Variants in PSMG2 observed in about 807,000 individuals in gnomAD.
PSMG2 encodes CD40 ligand-activated specific transcript 3.
Under a neutral mutation model 31.5 loss-of-function variants are expected in PSMG2, and 21 were observed. The observed-to-expected ratio is 0.67, with a 90% CI of 0.47 to 0.96. The LOEUF is 0.96. Ranked by LOEUF, PSMG2 falls within the 40% of genes least tolerant of loss-of-function variation. PSMG2 has a pLI of 0.00. For synonymous variants in PSMG2, 120 were observed against 110.4 expected (o/e 1.09, Z -0.54); for missense variants, 318 against 321.2 (o/e 0.99, Z 0.08).
intron 1 of PSMG2, among the ~76,000 whole-genome samples, chr18:12,669,276 C>T (rs2038880326): frequency 2.0e-5 from 3 of 151,850 alleles, no homozygotes; most frequent in Admixed American, 6.6e-5. Context: ...CCATGCCCAG[C>T]TAATTTTGTA....
chr18:12,723,288 G>T (rs1226630915), intron 5 of PSMG2, among the ~76,000 whole-genome samples: 1 of 151,834 alleles, frequency 6.6e-6, no homozygotes, highest in South Asian at 2.1e-4. Context: ...GCATTTATTG[G>T]CAAGCAGGAA....
chr18:12,704,860 A>G lies in PSMG2; in HGVS notation c.58-1690A>G, dbSNP rs182158869. ...GGGAATTGCAGGAGGTAACTAGGCA[A>G]TTGGTAGGTGACAACAGTGAAAAGT... On this transcript the variant is annotated intron_variant, in intron 1 of 6. Transcript: ENST00000317615. 7.4e-3 allele frequency among the ~76,000 whole-genome samples: 1,125 copies of G among 152,316 alleles called. 13 individuals carry two copies. Among genetic ancestry groups the G allele is most frequent in the South Asian group, 0.03 (143 of 4,826 alleles).
chr18:12,678,373 A>G, intron 1 of PSMG2: 1 of 1,614,154 alleles, frequency 6.2e-7, no homozygotes, highest in Non-Finnish European at 8.5e-7. Context: ...CAATTGTTCG[A>G]TATGGGTACA....
In PSMG2 at chr18:12,691,585, C is replaced by A. The variant is rs2039764736; in HGVS notation, c.-36-14965C>A. On this transcript the variant is annotated intron_variant, in intron 1 of 6. Coordinates refer to the PSMG2 transcript ENST00000585331. ...ATCTACTTCTCTACATCATTACCAC[C>A]CTAATCTGAGTCATCATCATCTTCT... The A allele has an allele frequency of 4.3e-5, 36 of 829,362 alleles. 1 individual carries two copies. The South Asian group carries it at 7.0e-4, about 16-fold the overall frequency. The allele number at this position is 829,362 out of a possible 1,614,324, so 51.4% of individuals were successfully genotyped here.
At chr18:12,671,674 A>T in intron 1 of PSMG2, among the ~76,000 whole-genome samples, 1 of 111,504 alleles carries the variant, frequency 9.0e-6, no homozygotes, top group East Asian at 2.6e-4. Flanking sequence ...TTTGAGACAG[A>T]GTCTTGCTCT....
chr18:12,677,755 A>G (rs1037979366), intron 1 of PSMG2, among the ~76,000 whole-genome samples: 1 of 152,194 alleles, frequency 6.6e-6, no homozygotes, highest in African/African-American at 2.4e-5. Context: ...CATCAAGCCC[A>G]GCCTAACCCA....
At chr18:12,718,468 T>C (rs1257498025) in intron 3 of PSMG2, 49 bp from the exon 4 acceptor site, 1 of 1,212,376 alleles carries the variant, frequency 8.2e-7, no homozygotes, top group Admixed American at 2.0e-5. Flanking sequence ...TTGTATGCTC[T>C]AAGACTAACT....
intron 1 of PSMG2, chr18:12,686,321 C>T: frequency 1.2e-6 from 2 of 1,614,066 alleles, no homozygotes; most frequent in South Asian, 2.2e-5. Flanking sequence ...CCTCCTCCTC[C>T]AATAACAGGG....
At chr18:12,685,421 T>G (rs1369438347) in intron 1 of PSMG2, 2 of 152,290 alleles carry the variant, frequency 1.3e-5, no homozygotes, top group East Asian at 3.9e-4. Context: ...TTTCTGACAT[T>G]TTAGTACTTG....
intron 1 of PSMG2, chr18:12,670,314 AGT>A (rs1393046980): frequency 7.2e-5 from 11 of 152,082 alleles, no homozygotes; most frequent in African/African-American, 2.2e-4. Context: ...TGGGCAACAG[AGT>A]GAGACTCTGT....
upstream of PSMG2, chr18:12,702,969 C>A (rs1258833994): frequency 4.1e-5 from 39 of 948,558 alleles, no homozygotes; most frequent in Non-Finnish European, 5.7e-5. Flanking sequence ...GCTGGACGGG[C>A]CTCAAGGGCC....
chr18:12,706,992 C>T (rs1444616470), intron 2 of PSMG2, among the ~76,000 whole-genome samples: 2 of 151,880 alleles, frequency 1.3e-5, no homozygotes, highest in African/African-American at 2.4e-5. Flanking sequence ...GTCTCGCTCT[C>T]TTGCCCAGGC....
intron 1 of PSMG2, among the ~76,000 whole-genome samples, chr18:12,694,739 T>A (rs1014688818): frequency 1.3e-5 from 2 of 150,832 alleles, no homozygotes; most frequent in Non-Finnish European, 3.0e-5. Flanking sequence ...TGAGATGGAG[T>A]CTTGCTCTGT....
upstream of PSMG2, chr18:12,702,620 A>T (rs1413170385): frequency 2.0e-6 from 3 of 1,504,436 alleles, no homozygotes; most frequent in Non-Finnish European, 1.8e-6. Flanking sequence ...CGGCCGGGCC[A>T]GGGAGCGTTA....
intron 4 of PSMG2, among the ~76,000 whole-genome samples, 196 bp downstream of exon 4, chr18:12,718,831 TA>T (rs1306735171): frequency 6.6e-6 from 1 of 152,124 alleles, no homozygotes; most frequent in Non-Finnish European, 1.5e-5. Flanking sequence ...GTGAGCTTAG[TA>T]GAGTTGGGGC....
intron 1 of PSMG2, among the ~76,000 whole-genome samples, chr18:12,690,948 C>CT (rs1555646011): frequency 1.3e-5 from 2 of 151,464 alleles, no homozygotes; most frequent in East Asian, 2.0e-4. Flanking sequence ...AGCCCCCCCC[C>CT]GTTCTGCACA....
chr18:12,693,840 C>A (rs2039855347), intron 1 of PSMG2, among the ~76,000 whole-genome samples: 2 of 151,936 alleles, frequency 1.3e-5, no homozygotes, highest in South Asian at 4.1e-4. Flanking sequence ...GTGTATACAC[C>A]ATTTATTTAA....
At chr18:12,708,241 A>G (rs944735953) in intron 2 of PSMG2, among the ~76,000 whole-genome samples, 4 of 152,092 alleles carry the variant, frequency 2.6e-5, no homozygotes, top group African/African-American at 9.7e-5. Context: ...ATGCCACTGC[A>G]CTCCAGCCCG....
At chr18:12,699,079 T>C, upstream of PSMG2, 1 of 1,614,082 alleles carries the variant, frequency 6.2e-7, no homozygotes. Context: ...TTCGATAATG[T>C]AAACATAAAG....
Sources: allele counts gnomAD v4.1 joint callset (sites outside exome capture counted in the v4.1 genomes callset), GRCh38; gene constraint gnomAD v4.1.1; transcripts MANE v1.5; gene names NCBI Gene and HGNC (gene_info 2026-07-23, HGNC 2026-07-21).